Variants in NLRP14 observed in about 807,000 individuals in gnomAD.
The protein encoded by NLRP14 is NLR family pyrin domain containing 14.
A neutral mutation model predicts 94.7 loss-of-function variants in NLRP14; 105 were observed. The observed-to-expected ratio is 1.11, with a 90% CI of 0.95 to 1.30. NLRP14 has a LOEUF of 1.30. Among genes scored for constraint, NLRP14 ranks in the 50% most tolerant of loss-of-function variants. The probability of loss-of-function intolerance (pLI) is 0.00; values close to 1 mark genes in which losing one functional copy is unlikely to be tolerated. For synonymous variants in NLRP14, 508 were observed against 459.9 expected, an observed-to-expected ratio of 1.10 and a Z score of -1.34; for missense variants, 1,362 against 1,254.1, an observed-to-expected ratio of 1.09 and a Z score of -1.30.
the NLRP14 span, among the ~76,000 whole-genome samples, chr11:7,077,250 G>C: frequency 8.5e-5 from 13 of 152,224 alleles, no homozygotes; most frequent in African/African-American, 3.1e-4. Context: ...GCGTGGGTGC[G>C]GCTGGAAAGG....
At chr11:7,036,704 G>C (rs1472296294) in intron 1 of NLRP14, among the ~76,000 whole-genome samples, 1 of 146,948 alleles carries the variant, frequency 6.8e-6, no homozygotes, top group Non-Finnish European at 1.5e-5. Context: ...AGTTATTTCA[G>C]TGGAATTGTG....
rs1275986831 is a variant in NLRP14, at chr11:7,070,354, G to C, written c.3044G>C (p.Arg1015Thr). The change falls in exon 11 of 12, where the codon AGA (arginine) becomes ACA (threonine). Residue 1015 changes from arginine (R) to threonine (T), a missense_variant. Transcript: ENST00000299481. ...TCCTCTGCTCTTATCTGCAACAAAA[G>C]ACTGATAAAAATGAATCTGACACAG... ...DLSSALICNK[R>T]LIKMNLTQNT... 8.7e-6 allele frequency: 14 copies of C among 1,610,506 alleles called. No homozygotes were observed. In the Admixed American group the frequency reaches 2.3e-4, roughly 27 times the overall value.
the NLRP14 span, among the ~76,000 whole-genome samples, chr11:7,079,230 C>T: frequency 1.3e-5 from 2 of 152,140 alleles, no homozygotes; most frequent in African/African-American, 4.8e-5. Flanking sequence ...CCCTAAATTC[C>T]CATCTAGAGT....
chr11:7,088,493 CA>C, the NLRP14 span, among the ~76,000 whole-genome samples: 1 of 151,858 alleles, frequency 6.6e-6, no homozygotes, highest in East Asian at 1.9e-4. Flanking sequence ...AAAATTAGAA[CA>C]AAATAATATA....
chr11:7,082,523 T>C, the NLRP14 span, among the ~76,000 whole-genome samples: 1 of 152,162 alleles, frequency 6.6e-6, no homozygotes, highest in East Asian at 1.9e-4. Context: ...GTGTCAGCAA[T>C]AGATGGTTTC....
At chr11:7,076,263 A>G (rs2119452872), downstream of NLRP14, among the ~76,000 whole-genome samples, 1 of 152,340 alleles carries the variant, frequency 6.6e-6, no homozygotes, top group South Asian at 2.1e-4. Context: ...GCTCTGGGGA[A>G]GAAAGGGTTT....
intron 1 of NLRP14, among the ~76,000 whole-genome samples, chr11:7,031,364 G>A (rs188512312): frequency 6.4e-4 from 97 of 152,330 alleles, no homozygotes; most frequent in African/African-American, 2.3e-3. Flanking sequence ...CCAAGAGGAT[G>A]AGCTGCCAGG....
downstream of NLRP14, among the ~76,000 whole-genome samples, chr11:7,074,564 A>T (rs897151082): frequency 2.0e-5 from 3 of 152,262 alleles, no homozygotes; most frequent in African/African-American, 7.2e-5. Flanking sequence ...ACTGTCAGAA[A>T]AAGGAAAATT....
chr11:7,085,721 A>G, the NLRP14 span, among the ~76,000 whole-genome samples: 8 of 152,220 alleles, frequency 5.3e-5, no homozygotes, highest in Admixed American at 3.9e-4. Context: ...TATACTTTAA[A>G]TCATCTTTGG....
rs557608338 is a variant in NLRP14 at position 7,024,855 on chromosome 11, T to G, written c.-22+4085T>G. ...ACTTTTTGTATCAAAAGGTATCCTA[T>G]ATGATTTGGTTAAAGAAATACCTGA... On this transcript the variant is annotated intron_variant, in intron 1 of 11. Transcript: ENST00000299481. 3.9e-5 allele frequency among the ~76,000 whole-genome samples: 6 copies of G among 152,260 alleles called. No homozygotes were observed. The South Asian group carries it at 1.2e-3, about 32-fold the overall frequency.
the NLRP14 span, among the ~76,000 whole-genome samples, chr11:7,082,249 T>A: frequency 2.0e-5 from 3 of 152,244 alleles, no homozygotes; most frequent in African/African-American, 7.2e-5. Flanking sequence ...AGGAGGCTTT[T>A]AACTCATTTT....
chr11:7,089,490 CG>C, the NLRP14 span: 1 of 1,239,484 alleles, frequency 8.1e-7, no homozygotes, highest in Non-Finnish European at 1.0e-6. Context: ...TTCCCCATCC[CG>C]GGGCGGGCCC....
At chr11:7,024,620 T>A (rs1385725361) in intron 1 of NLRP14, among the ~76,000 whole-genome samples, 1 of 152,238 alleles carries the variant, frequency 6.6e-6, no homozygotes, top group Non-Finnish European at 1.5e-5. Context: ...TTACCCCTGC[T>A]GCTTTGTGTC....
chr11:7,064,429 A>G (rs958316903), intron 10 of NLRP14, among the ~76,000 whole-genome samples: 1 of 152,038 alleles, frequency 6.6e-6, no homozygotes, highest in Non-Finnish European at 1.5e-5. Context: ...TTGCCAGGCC[A>G]AGGTGTTGGA....
chr11:7,054,630 A>G (rs1339340622), intron 6 of NLRP14, among the ~76,000 whole-genome samples: 2 of 152,060 alleles, frequency 1.3e-5, no homozygotes, highest in African/African-American at 4.8e-5. Flanking sequence ...TCTCTTGCCC[A>G]TTTTAATTGG....
At chr11:7,078,296 G>T in the NLRP14 span, among the ~76,000 whole-genome samples, 3 of 151,218 alleles carry the variant, frequency 2.0e-5, no homozygotes, top group African/African-American at 7.3e-5. Flanking sequence ...AAATTAGCCG[G>T]GCATGATGGC....
intron 1 of NLRP14, among the ~76,000 whole-genome samples, chr11:7,026,094 G>C (rs903170250): frequency 2.0e-5 from 3 of 152,090 alleles, no homozygotes; most frequent in African/African-American, 7.2e-5. Context: ...CATAGGCATG[G>C]GCAAGGACTT....
intron 6 of NLRP14, among the ~76,000 whole-genome samples, chr11:7,056,529 A>AAAG (rs1554957540): frequency 6.6e-6 from 1 of 151,320 alleles, no homozygotes; most frequent in Non-Finnish European, 1.5e-5. Context: ...AAAAAAAAAA[A>AAAG]AAAGAAATCT....
chr11:7,084,074 A>G, the NLRP14 span, among the ~76,000 whole-genome samples: 1 of 152,206 alleles, frequency 6.6e-6, no homozygotes, highest in African/African-American at 2.4e-5. Flanking sequence ...CTTCAAACAT[A>G]GAGGTGGCCT....
Sources: gnomAD v4.1 joint callset for allele counts (sites outside exome capture counted in the v4.1 genomes callset) on GRCh38, gnomAD v4.1.1 for gene constraint, MANE v1.5 for transcripts, NCBI Gene and HGNC (gene_info 2026-07-23, HGNC 2026-07-21) for gene names.